FPR3: variants seen among roughly 807,000 people sequenced by gnomAD.
FPR3 encodes formyl peptide receptor 3, also known as N-formyl peptide receptor 3.
For synonymous variants in FPR3, 135 were observed against 163.6 expected, an observed-to-expected ratio of 0.83 and a Z score of 1.34; for missense variants, 346 against 443.2, an observed-to-expected ratio of 0.78 and a Z score of 1.97.
chr19:51,799,360 CTCT>C (rs1037397947), intron 1 of FPR3, among the ~76,000 whole-genome samples: 1 of 152,194 alleles, frequency 6.6e-6, no homozygotes, highest in African/African-American at 2.4e-5. Context: ...GTTGGATCCC[CTCT>C]TGATGTTCTT....
chr19:51,814,483 GTTTT>G (rs1385079896), intron 1 of FPR3, among the ~76,000 whole-genome samples: 3 of 108,442 alleles, frequency 2.8e-5, no homozygotes, highest in African/African-American at 1.3e-4. Flanking sequence ...CAAGGTTTTT[GTTTT>G]TTGTTTGTTT....
At chr19:51,814,981 C>T (rs1453920340) in intron 1 of FPR3, among the ~76,000 whole-genome samples, 2 of 150,088 alleles carry the variant, frequency 1.3e-5, no homozygotes, top group Non-Finnish European at 3.0e-5. Context: ...GGCTAATTTT[C>T]GTATTTTTAG....
At position 51,803,115 on chromosome 19, in the gene FPR3, ATC is replaced by A. The variant is rs534228760; in HGVS notation, c.-11+7788_-11+7789del. On this transcript the variant is annotated intron_variant, in intron 1 of 1. Transcript: ENST00000339223. ...AAACATTTGATGTCTAATTAAAATT[ATC>A]TCTGTTACAAATTATTTTATTAAAT... Among the ~76,000 whole-genome samples the A allele has an allele frequency of 4.5e-3, 683 of 152,338 alleles. 5 individuals are homozygous for A. Among genetic ancestry groups the A allele is most frequent in the Admixed American group, 7.3e-3 (112 of 15,302 alleles).
At chr19:51,819,497 GA>G (rs75444884) in intron 1 of FPR3, among the ~76,000 whole-genome samples, 56,056 of 151,818 alleles carry the variant, frequency 0.37, 10,857 homozygotes, top group South Asian at 0.52. Context: ...TTATGATATG[GA>G]AAAAAAATGT....
chr19:51,803,559 A>C (rs2122417640), intron 1 of FPR3, among the ~76,000 whole-genome samples: 1 of 151,658 alleles, frequency 6.6e-6, no homozygotes, highest in African/African-American at 2.4e-5. Context: ...TGACCATTTC[A>C]TTCACACTTT....
At chr19:51,797,699 A>G (rs1025426613) in intron 1 of FPR3, among the ~76,000 whole-genome samples, 5 of 152,040 alleles carry the variant, frequency 3.3e-5, no homozygotes, top group Non-Finnish European at 7.4e-5. Context: ...TGGTGTGTGG[A>G]TAATGTTCAT....
chr19:51,796,236 A>C (rs186121410), intron 1 of FPR3, among the ~76,000 whole-genome samples: 7 of 152,346 alleles, frequency 4.6e-5, no homozygotes, highest in Admixed American at 4.6e-4. Flanking sequence ...TAGAGAAAGC[A>C]GAAGCCCTGA....
chr19:51,823,064 T>A (rs1354843470), intron 1 of FPR3, among the ~76,000 whole-genome samples: 1 of 152,106 alleles, frequency 6.6e-6, no homozygotes. Context: ...AGTTTCACCA[T>A]GTTGGCCAGG....
intron 1 of FPR3, among the ~76,000 whole-genome samples, chr19:51,816,079 A>C (rs202199831): frequency 1.7e-5 from 2 of 120,374 alleles, no homozygotes; most frequent in African/African-American, 3.2e-5. Flanking sequence ...AAAAAAAAAA[A>C]ACCCTTGAGA....
intron 1 of FPR3, among the ~76,000 whole-genome samples, chr19:51,820,033 G>A (rs1335751355): frequency 6.6e-6 from 1 of 152,186 alleles, no homozygotes; most frequent in Non-Finnish European, 1.5e-5. Context: ...TAAATTGAGG[G>A]TTAGGAAAGA....
intron 1 of FPR3, among the ~76,000 whole-genome samples, chr19:51,802,771 CTCT>C (rs1403688809): frequency 3.3e-5 from 5 of 152,142 alleles, no homozygotes; most frequent in Non-Finnish European, 7.4e-5. Flanking sequence ...TTTAAGAGTT[CTCT>C]TCTTCTATTG....
intron 1 of FPR3, chr19:51,811,593 C>T (rs2084096879): frequency 6.6e-6 from 1 of 152,202 alleles, no homozygotes; most frequent in Non-Finnish European, 1.5e-5. Flanking sequence ...AGACTGTCGC[C>T]TGTTTGAGTG....
At chr19:51,797,398 TG>T (rs745569280) in intron 1 of FPR3, among the ~76,000 whole-genome samples, 110 of 152,256 alleles carry the variant, frequency 7.2e-4, no homozygotes, top group Non-Finnish European at 1.1e-3. Context: ...GAAAGAAATA[TG>T]CTTCAAAGGA....
At chr19:51,806,396 T>A (rs896198507) in intron 1 of FPR3, among the ~76,000 whole-genome samples, 6 of 152,250 alleles carry the variant, frequency 3.9e-5, no homozygotes, top group Non-Finnish European at 7.3e-5. Context: ...CACTTTCAGA[T>A]AAACTTTCCT....
intron 1 of FPR3, among the ~76,000 whole-genome samples, chr19:51,819,349 G>C (rs1212641882): frequency 1.3e-5 from 2 of 152,152 alleles, no homozygotes; most frequent in Non-Finnish European, 2.9e-5. Flanking sequence ...TTTAAGCTGT[G>C]ATACTGAATG....
intron 1 of FPR3, among the ~76,000 whole-genome samples, chr19:51,813,347 A>T (rs1412519252): frequency 1.3e-5 from 2 of 152,102 alleles, no homozygotes. Flanking sequence ...TGAGGGCAGA[A>T]CAATCATAAT....
rs1176383925 is a variant in FPR3 at position 51,824,980 on chromosome 19, A to C, written c.*170A>C. The C allele has an allele frequency of 4.9e-6, 3 of 607,394 alleles. No homozygotes were observed. Among genetic ancestry groups the C allele is most frequent in the Non-Finnish European group, 5.9e-6 (2 of 337,874 alleles). The allele number at this position is 607,394 out of a possible 1,614,324, so 37.6% of individuals were successfully genotyped here. ...TTTTTCCCACAACCAAGCAATAGAC[A>C]CCAGCTGGGTGTCCTACAATTAAAT... On this transcript the variant is annotated 3_prime_UTR_variant, in exon 2 of 2. Transcript: ENST00000339223. This position sits in a 1 kb window ranked among gnomAD's most constrained non-coding sequence, Gnocchi z 4.7.
At chr19:51,818,076 C>A (rs1016704380) in intron 1 of FPR3, among the ~76,000 whole-genome samples, 4 of 151,362 alleles carry the variant, frequency 2.6e-5, no homozygotes, top group Admixed American at 2.6e-4. Flanking sequence ...ATGGACGAAG[C>A]TGGAAACCAT....
intron 1 of FPR3, 92 bp from the exon 2 acceptor site, chr19:51,823,647 G>A (rs1568432872): frequency 1.0e-6 from 1 of 989,848 alleles, no homozygotes; most frequent in Non-Finnish European, 1.5e-6. Context: ...AGGGTCTGCT[G>A]GTAGGAGGAG....
Sources: gnomAD v4.1 joint callset for allele counts (sites outside exome capture counted in the v4.1 genomes callset) on GRCh38, gnomAD v4.1.1 for gene constraint, Gnocchi (gnomAD v3.1) non-coding constraint, MANE v1.5 for transcripts, NCBI Gene and HGNC (gene_info 2026-07-23, HGNC 2026-07-21) for gene names.